Variants in RYR2 observed in about 807,000 individuals in gnomAD.
The protein encoded by RYR2 is ryanodine receptor 2, also known as cardiac muscle ryanodine receptor-calcium release channel.
RYR2 carries 227 observed loss-of-function variants against 601.1 expected under a neutral mutation model. The ratio of observed to expected loss-of-function variants is 0.38; its 90% CI spans 0.34 to 0.42. The LOEUF is 0.42. RYR2 is among the 10% of genes least tolerant of loss of function. RYR2 has a pLI of 1.00. For missense variants in RYR2, 4,646 were observed against 6,156.5 expected (o/e 0.75, Z 8.21); for synonymous variants, 2,223 against 2,175.1 (o/e 1.02, Z -0.61).
intron 25 of RYR2, among the ~76,000 whole-genome samples, chr1:237,543,054 G>C (rs1301928900): frequency 2.6e-5 from 4 of 152,050 alleles, no homozygotes; most frequent in Non-Finnish European, 5.9e-5. Flanking sequence ...TTGTTCCTTT[G>C]GTATTCAAAA....
rs201766010 is a variant in RYR2, at chr1:237,074,020, AT to A, written c.48+31458del. Among the ~76,000 whole-genome samples the A allele has an allele frequency of 8.4e-3, 1,282 of 152,208 alleles. 24 individuals carry two copies. The highest frequency in any genetic ancestry group is 0.029 in the African/African-American group (1,223 of 41,518). The stretch of plus-strand genomic sequence containing the variant: ...AACCATGGCTATGAGAAGATTTAAA[AT>A]TTTTTTGTGTGGGAGCCCTAAATGA... On this transcript the variant is annotated intron_variant, in intron 1 of 104. Transcript: ENST00000366574.
chr1:237,093,957 A>T (rs1452328486), intron 1 of RYR2, among the ~76,000 whole-genome samples: 1 of 152,118 alleles, frequency 6.6e-6, no homozygotes, highest in Non-Finnish European at 1.5e-5. Flanking sequence ...AGTCCTGGGT[A>T]TTTGGACGAT....
At chr1:237,549,983 A>T (rs1381967132) in intron 26 of RYR2, among the ~76,000 whole-genome samples, 2 of 152,186 alleles carry the variant, frequency 1.3e-5, no homozygotes, top group African/African-American at 4.8e-5. Context: ...CGTACAATAG[A>T]CAAGTTATGG....
chr1:237,797,704 C>A (rs1659419985), intron 96 of RYR2, among the ~76,000 whole-genome samples: 1 of 152,252 alleles, frequency 6.6e-6, no homozygotes, highest in African/African-American at 2.4e-5. Context: ...AGCATAATTT[C>A]TGGCACAAAG....
rs965614192 is a variant in RYR2 at position 237,819,496 on chromosome 1, C to T, written c.14590+304C>T. Among the ~76,000 whole-genome samples, 1 of 152,170 alleles carries T rather than the reference C, an allele frequency of 6.6e-6. No individual in the cohort carries two copies. The highest frequency in any genetic ancestry group is 1.5e-5 in the Non-Finnish European group (1 of 68,030). ...GACTCATGAACCCCAGCTTTACAATCTTGGGTGGGTGAGCCATTTAACCCT... is the reference window on the plus strand; with the variant it reads ...GACTCATGAACCCCAGCTTTACAATTTTGGGTGGGTGAGCCATTTAACCCT... On this transcript the variant is annotated intron_variant, in intron 101 of 104. Transcript: ENST00000366574. This position sits in a 1 kb window ranked among gnomAD's most constrained non-coding sequence, Gnocchi z 4.0.
intron 23 of RYR2, among the ~76,000 whole-genome samples, chr1:237,510,563 T>C (rs1388348628): frequency 6.6e-6 from 1 of 152,202 alleles, no homozygotes; most frequent in African/African-American, 2.4e-5. Context: ...TCATTCATAA[T>C]GATGACCAGA....
chr1:237,487,085 T>C (rs1213469289), intron 17 of RYR2, among the ~76,000 whole-genome samples: 2 of 152,180 alleles, frequency 1.3e-5, no homozygotes, highest in African/African-American at 4.8e-5. Flanking sequence ...CATTCCATAA[T>C]ACTGTTATGA....
intron 63 of RYR2, among the ~76,000 whole-genome samples, chr1:237,696,796 T>A (rs1687490628): frequency 6.6e-6 from 1 of 152,120 alleles, no homozygotes. Context: ...ATTCAATCCA[T>A]AAGTAAATCC....
intron 3 of RYR2, among the ~76,000 whole-genome samples, chr1:237,336,591 C>T (rs1180048563): frequency 6.6e-6 from 1 of 152,160 alleles, no homozygotes; most frequent in East Asian, 1.9e-4. Flanking sequence ...CACGGTGGCT[C>T]ACGCCTGTAA....
chr1:237,686,593 T>A (rs1558218902), intron 62 of RYR2, among the ~76,000 whole-genome samples: 1 of 152,044 alleles, frequency 6.6e-6, no homozygotes, highest in Non-Finnish European at 1.5e-5. Context: ...CCTGTGAGGA[T>A]CCCACCCAGC....
chr1:237,473,419 A>ATCTC (rs375072151), intron 17 of RYR2, among the ~76,000 whole-genome samples: 1 of 124,446 alleles, frequency 8.0e-6, no homozygotes, highest in Non-Finnish European at 1.7e-5. Context: ...ACGAGACTCC[A>ATCTC]TCTCTCTCTC....
At chr1:237,693,178 C>A (rs943806769) in intron 63 of RYR2, among the ~76,000 whole-genome samples, 15 of 151,474 alleles carry the variant, frequency 9.9e-5, no homozygotes, top group Non-Finnish European at 1.5e-4. Context: ...AAATGTAGTA[C>A]CTAATTATCC....
chr1:237,073,660 A>G (rs1664651893), intron 1 of RYR2, among the ~76,000 whole-genome samples: 1 of 152,184 alleles, frequency 6.6e-6, no homozygotes, highest in Non-Finnish European at 1.5e-5. Context: ...ACCTGAGGTC[A>G]GGAGTTCGAG....
At chr1:237,807,358 T>C (rs1044976406) in intron 99 of RYR2, among the ~76,000 whole-genome samples, 1 of 152,124 alleles carries the variant, frequency 6.6e-6, no homozygotes, top group Non-Finnish European at 1.5e-5. Context: ...TTTCTTTGTT[T>C]GTTTGTTTTT....
rs902682812 is a variant in RYR2 at position 237,437,063 on chromosome 1, G to T, written c.1006-4256G>T. Among the ~76,000 whole-genome samples the T allele has an allele frequency of 3.3e-5, 5 of 149,534 alleles. No homozygotes were observed. In the East Asian group the frequency reaches 9.8e-4, roughly 29 times the overall value. On this transcript the variant is annotated intron_variant, in intron 12 of 104. Coordinates refer to ENST00000366574, the MANE Select transcript of RYR2 (RefSeq NM_001035.3). ...TTTTTTATTTTTATTTTATTTTTTT[G>T]AGATGGACTCTGGCTCTGTTGCCCA...
rs1430272931 is a variant in RYR2 at position 237,180,598 on chromosome 1, G to GTA, written c.49-89891_49-89890dup. On this transcript the variant is annotated intron_variant, in intron 1 of 104. Transcript: ENST00000366574. This position sits in a 1 kb window ranked among gnomAD's most constrained non-coding sequence, Gnocchi z 5.3. ...TGTGTGTGTATATATGTATATATAAGTATATATATGTATATATGTATATAT... is the reference window on the plus strand; with the variant it reads ...TGTGTGTGTATATATGTATATATAAGTATATATATATGTATATATGTATATAT... 4.0e-4 allele frequency among the ~76,000 whole-genome samples: 42 copies of GTA among 105,992 alleles called. No homozygotes were observed. Among genetic ancestry groups the GTA allele is most frequent in the Non-Finnish European group, 6.3e-4 (36 of 56,724 alleles). 69.5% of individuals were successfully genotyped at this position (105,992 alleles called of 152,430 possible).
chr1:237,525,316 A>G (rs907967603), intron 24 of RYR2, among the ~76,000 whole-genome samples: 4 of 152,110 alleles, frequency 2.6e-5, no homozygotes, highest in Admixed American at 1.3e-4. Flanking sequence ...TCGTGGCTGT[A>G]TAGTTTTCCA....
intron 67 of RYR2, 72 bp from the exon 68 acceptor site, chr1:237,706,877 G>C (rs1688423252): frequency 7.7e-7 from 1 of 1,290,572 alleles, no homozygotes. Flanking sequence ...TGAAATAGTT[G>C]CCTGTGGAAA....
At chr1:237,226,533 C>T (rs1362845) in intron 1 of RYR2, among the ~76,000 whole-genome samples, 3 of 152,150 alleles carry the variant, frequency 2.0e-5, no homozygotes, top group Non-Finnish European at 4.4e-5. Context: ...GAAAGCAGTA[C>T]TTGGAGAGAC....
Sources: allele counts gnomAD v4.1 joint callset (sites outside exome capture counted in the v4.1 genomes callset), GRCh38; gene constraint gnomAD v4.1.1; non-coding constraint Gnocchi (gnomAD v3.1); transcripts MANE v1.5; gene names NCBI Gene and HGNC (gene_info 2026-07-23, HGNC 2026-07-21).